The following RBFOX1 variants were observed in gnomAD, a reference collection of about 807,000 sequenced individuals.
RBFOX1 encodes RNA binding fox-1 homolog 1.
RBFOX1 carries 8 observed loss-of-function variants against 57.7 expected under a neutral mutation model. That is an observed-to-expected ratio of 0.14 (90% confidence interval 0.08 to 0.25). The LOEUF (loss-of-function observed/expected upper bound fraction) is 0.25, where lower values mean the gene tolerates loss of function less well. Among genes scored for constraint, RBFOX1 ranks in the 10% least tolerant of loss-of-function variants. The pLI, the probability that RBFOX1 is intolerant of heterozygous loss-of-function variation, is 1.00. For synonymous variants in RBFOX1, 326 were observed against 222.4 expected (o/e 1.47, Z -4.15); for missense variants, 611 against 548.5 (o/e 1.11, Z -1.14).
intron 3 of RBFOX1, among the ~76,000 whole-genome samples, chr16:6,659,742 A>C (rs2098689391): frequency 6.6e-6 from 1 of 152,154 alleles, no homozygotes; most frequent in African/African-American, 2.4e-5. Flanking sequence ...GATTCTTCAC[A>C]GTGTTTACAA....
chr16:6,289,753 A>G (rs972585459), intron 1 of RBFOX1, among the ~76,000 whole-genome samples: 1 of 152,166 alleles, frequency 6.6e-6, no homozygotes, highest in Non-Finnish European at 1.5e-5. Flanking sequence ...TTCCCAGGCA[A>G]TTTGAGCAAA....
intron 5 of RBFOX1, among the ~76,000 whole-genome samples, chr16:7,528,441 T>C (rs750197592): frequency 2.6e-5 from 4 of 152,220 alleles, no homozygotes; most frequent in Non-Finnish European, 4.4e-5. Flanking sequence ...CCTAATTCCC[T>C]CTGCATAGCT....
chr16:6,588,098 G>T (rs1462109439), intron 2 of RBFOX1, among the ~76,000 whole-genome samples: 1 of 151,802 alleles, frequency 6.6e-6, no homozygotes, highest in Non-Finnish European at 1.5e-5. Context: ...GGGCGTGGTG[G>T]CACACACCTG....
chr16:5,817,143 C>T (rs562368433), intron 3 of RBFOX1, among the ~76,000 whole-genome samples: 8 of 152,258 alleles, frequency 5.3e-5, no homozygotes, highest in East Asian at 1.9e-4. Flanking sequence ...AATTCAGCGT[C>T]GTCTTGCACT....
rs548903531 is a variant in RBFOX1 at position 6,614,213 on chromosome 16, C to A, written c.-63-40390C>A. On this transcript the variant is annotated intron_variant, in intron 2 of 15. Transcript: ENST00000550418. Reference sequence around the variant, plus strand: ...TCTTCTAAGTAATGAAATTCTGATGCATTTCATACTGCCTGCTGCAAGTAA... The same window carrying A: ...TCTTCTAAGTAATGAAATTCTGATGAATTTCATACTGCCTGCTGCAAGTAA... Among the ~76,000 whole-genome samples, 4 of 152,254 alleles carry A rather than the reference C, an allele frequency of 2.6e-5. 1 individual carries two copies. The South Asian group carries it at 6.2e-4, about 24-fold the overall frequency.
intron 1 of RBFOX1, among the ~76,000 whole-genome samples, chr16:5,417,805 G>A (rs985046017): frequency 1.3e-5 from 2 of 152,218 alleles, no homozygotes; most frequent in African/African-American, 4.8e-5. Flanking sequence ...AAATGGCCGG[G>A]TGTGGTGGCT....
chr16:5,381,652 A>C (rs78690187), intron 1 of RBFOX1, among the ~76,000 whole-genome samples: 17,088 of 152,252 alleles, frequency 0.11, 1,054 homozygotes, highest in Middle Eastern at 0.17. Flanking sequence ...ACATTAAATC[A>C]AATAATGCAC....
At chr16:6,991,748 G>A (rs2091494091) in intron 3 of RBFOX1, among the ~76,000 whole-genome samples, 1 of 152,100 alleles carries the variant, frequency 6.6e-6, no homozygotes, top group Non-Finnish European at 1.5e-5. Flanking sequence ...TGTTGCCCAG[G>A]CTGGTCTTGA....
At chr16:7,628,730 A>G (rs1199419920) in intron 10 of RBFOX1, among the ~76,000 whole-genome samples, 3 of 152,010 alleles carry the variant, frequency 2.0e-5, no homozygotes, top group Non-Finnish European at 4.4e-5. Flanking sequence ...CTCCTGCCTC[A>G]GTCTCCTGAG....
intron 4 of RBFOX1, among the ~76,000 whole-genome samples, chr16:5,868,310 GA>G (rs1432010708): frequency 2.0e-5 from 3 of 151,498 alleles, no homozygotes; most frequent in African/African-American, 7.4e-5. Flanking sequence ...TAAGCATGTG[GA>G]GGTATTTATA....
intron 3 of RBFOX1, among the ~76,000 whole-genome samples, chr16:6,708,402 T>G (rs539664130): frequency 6.6e-6 from 1 of 152,178 alleles, no homozygotes; most frequent in East Asian, 1.9e-4. Flanking sequence ...CAGACAGGAG[T>G]TAAGTTCTAA....
At chr16:5,704,879 C>G (rs1473697780) in intron 3 of RBFOX1, among the ~76,000 whole-genome samples, 2 of 152,152 alleles carry the variant, frequency 1.3e-5, no homozygotes, top group South Asian at 2.1e-4. Flanking sequence ...AGGAATGAGA[C>G]TTATCGGGCT....
intron 5 of RBFOX1, among the ~76,000 whole-genome samples, chr16:7,568,437 T>G (rs2092369350): frequency 6.6e-6 from 1 of 152,108 alleles, no homozygotes; most frequent in Admixed American, 6.5e-5. Context: ...TAATGCATTG[T>G]GATTAGTGTA....
At chr16:5,493,114 A>G (rs886166839) in intron 2 of RBFOX1, among the ~76,000 whole-genome samples, 4 of 152,254 alleles carry the variant, frequency 2.6e-5, no homozygotes, top group African/African-American at 9.6e-5. Flanking sequence ...CAGAGACTGT[A>G]TAGCCCTTTA....
chr16:7,365,137 A>C (rs1486328165), intron 4 of RBFOX1, among the ~76,000 whole-genome samples: 1 of 152,154 alleles, frequency 6.6e-6, no homozygotes, highest in African/African-American at 2.4e-5. Context: ...CTCATGATGG[A>C]TAGGGTTTCA....
chr16:5,364,664 A>G (rs546986700), intron 1 of RBFOX1, among the ~76,000 whole-genome samples: 1 of 152,322 alleles, frequency 6.6e-6, no homozygotes, highest in African/African-American at 2.4e-5. Context: ...CTTGTGCTCT[A>G]CACGCATCTC....
At chr16:6,083,014 G>GTTTGTTTT (rs145543773) in intron 1 of RBFOX1, among the ~76,000 whole-genome samples, 4 of 150,944 alleles carry the variant, frequency 2.6e-5, no homozygotes, top group Non-Finnish European at 4.4e-5. Flanking sequence ...TTGTTTGTTT[G>GTTTGTTTT]TTTTTTAGAT....
intron 10 of RBFOX1, among the ~76,000 whole-genome samples, chr16:7,610,146 G>GTTTTT (rs2057185345): frequency 1.0e-4 from 5 of 49,378 alleles, no homozygotes; most frequent in African/African-American, 2.9e-4. Context: ...TTTTGAGGCA[G>GTTTTT]TTTTGCTCTG....
chr16:7,654,048 C>T (rs935990114), intron 12 of RBFOX1, 101 bp downstream of exon 12: 35 of 1,275,894 alleles, frequency 2.7e-5, no homozygotes, highest in Middle Eastern at 2.8e-4. Context: ...ACTCCCCCTC[C>T]GCCACCCCCA....
Sources: gnomAD v4.1 joint callset for allele counts (sites outside exome capture counted in the v4.1 genomes callset) on GRCh38, gnomAD v4.1.1 for gene constraint, MANE v1.5 for transcripts, NCBI Gene and HGNC (gene_info 2026-07-23, HGNC 2026-07-21) for gene names.